ADSS2: variants seen among roughly 807,000 people sequenced by gnomAD.
ADSS2 encodes adenylosuccinate synthase 2.
ADSS2 carries 30 observed loss-of-function variants against 60.0 expected under a neutral mutation model. That is an observed-to-expected ratio of 0.50 (90% CI 0.37 to 0.68). The LOEUF (loss-of-function observed/expected upper bound fraction) is 0.68. ADSS2 is among the 30% of genes least tolerant of loss of function. ADSS2 has a pLI of 0.00. For synonymous variants in ADSS2, 187 were observed against 193.1 expected (o/e 0.97, Z 0.26); for missense variants, 373 against 554.8 (o/e 0.67, Z 3.29).
Position 244,411,341 on chromosome 1 carries a change from G to T in ADSS2, c.1264C>A (p.Pro422Thr). 1.2e-6 allele frequency: 2 copies of T among 1,613,948 alleles called. No individual in the cohort carries two copies. Among genetic ancestry groups the T allele is most frequent in the Non-Finnish European group, 8.5e-7 (1 of 1,179,958 alleles). ...CGAACATAGTTTTGTGCATTAACAG[G>T]TAGTTCTTTAAACGCCCTTGCATTT... Reference protein sequence around the residue: ...ISNARAFKELPVNAQNYVRFI... With the variant: ...ISNARAFKELTVNAQNYVRFI... Residue 422 changes from proline to threonine, a missense_variant, in exon 12 of 13, where the codon CCT (proline) becomes ACT (threonine). Coordinates refer to ENST00000366535, the MANE Select transcript of ADSS2 (RefSeq NM_001126.5).
At chr1:244,432,851 G>A (rs140405409) in intron 3 of ADSS2, among the ~76,000 whole-genome samples, 2,769 of 151,464 alleles carry the variant, frequency 0.018, 36 homozygotes, top group South Asian at 0.041. Flanking sequence ...TGTAATTTTA[G>A]TAGAGACTGG....
At chr1:244,413,174 A>T (rs1372890301) in intron 11 of ADSS2, among the ~76,000 whole-genome samples, 1 of 152,200 alleles carries the variant, frequency 6.6e-6, no homozygotes, top group Non-Finnish European at 1.5e-5. Context: ...GTTGAGTAAG[A>T]CTATATTGGT....
chr1:244,440,113 G>A (rs1279879633), intron 1 of ADSS2, among the ~76,000 whole-genome samples: 1 of 152,194 alleles, frequency 6.6e-6, no homozygotes. Context: ...GCCAGGTACT[G>A]TGATTGCTCA....
intron 4 of ADSS2, among the ~76,000 whole-genome samples, chr1:244,426,211 C>T (rs1016465543): frequency 1.3e-5 from 2 of 152,010 alleles, no homozygotes; most frequent in Non-Finnish European, 2.9e-5. Flanking sequence ...TTAGAGTACG[C>T]CATTCTCATT....
chr1:244,430,276 C>T (rs113323360), intron 4 of ADSS2, among the ~76,000 whole-genome samples: 20 of 152,188 alleles, frequency 1.3e-4, no homozygotes, highest in African/African-American at 4.8e-4. Context: ...CTTGCTTAAC[C>T]TCTATGTTGT....
Position 244,434,145 on chromosome 1 carries a change from C to G in ADSS2, c.356-1550G>C, listed in dbSNP as rs142232379. ...ATTGCTTGAGGCCTGGAGTTTGAGA[C>G]CAGCCTGGGTGACACAGAAAGACCC... On this transcript the variant is annotated intron_variant, in intron 3 of 12. Transcript: ENST00000366535. 4.0e-5 allele frequency among the ~76,000 whole-genome samples: 6 copies of G among 150,202 alleles called. No homozygotes were observed. The East Asian group carries it at 1.2e-3, about 29-fold the overall frequency.
At chr1:244,438,123 A>G (rs903645914) in intron 1 of ADSS2, among the ~76,000 whole-genome samples, 1 of 152,200 alleles carries the variant, frequency 6.6e-6, no homozygotes, top group Non-Finnish European at 1.5e-5. Flanking sequence ...ATGATATTCC[A>G]TCTACACACA....
chr1:244,417,757 A>C lies in ADSS2; in HGVS notation c.946-5T>G. ...TTGTAATAATTCTCCAATTTCCTAC[A>C]GAACAGAAAATTGAACTTTAGGATT... On this transcript the variant is annotated splice_region_variant and splice_polypyrimidine_tract_variant and intron_variant, in intron 9 of 12. Coordinates refer to ENST00000366535, the MANE Select transcript of ADSS2 (RefSeq NM_001126.5). 1 of 1,612,688 alleles carries C rather than the reference A, an allele frequency of 6.2e-7. No homozygotes were observed. The highest frequency in any genetic ancestry group is 8.5e-7 in the Non-Finnish European group (1 of 1,178,892).
At chr1:244,411,698 C>G (rs1177885649) in intron 11 of ADSS2, among the ~76,000 whole-genome samples, 1 of 152,152 alleles carries the variant, frequency 6.6e-6, no homozygotes, top group African/African-American at 2.4e-5. Context: ...AACATTAGTT[C>G]AAGACTGGTT....
intron 3 of ADSS2, among the ~76,000 whole-genome samples, chr1:244,434,442 C>T (rs1245902433): frequency 6.6e-6 from 1 of 151,824 alleles, no homozygotes; most frequent in Non-Finnish European, 1.5e-5. Flanking sequence ...TGCTAAGCTG[C>T]AAACATTTCA....
intron 4 of ADSS2, among the ~76,000 whole-genome samples, chr1:244,429,478 T>C (rs1343447098): frequency 6.6e-6 from 1 of 152,254 alleles, no homozygotes; most frequent in Non-Finnish European, 1.5e-5. Flanking sequence ...CGGGAGTCTC[T>C]AAAGCAAAGA....
intron 11 of ADSS2, among the ~76,000 whole-genome samples, chr1:244,414,276 G>A (rs1183281599): frequency 1.3e-5 from 2 of 152,124 alleles, no homozygotes; most frequent in Non-Finnish European, 2.9e-5. Flanking sequence ...GCTCGAGATG[G>A]TCTAAATGTT....
At chr1:244,447,537 G>A (rs1056087459) in intron 1 of ADSS2, among the ~76,000 whole-genome samples, 2 of 152,104 alleles carry the variant, frequency 1.3e-5, no homozygotes, top group Non-Finnish European at 2.9e-5. Context: ...TGTCCTCAGC[G>A]GGGAATAACT....
chr1:244,444,514 CAAAAAAAAAA>C (rs56001597), intron 1 of ADSS2, among the ~76,000 whole-genome samples: 1 of 42,526 alleles, frequency 2.4e-5, no homozygotes, highest in Non-Finnish European at 4.9e-5. Context: ...GACTCCATCT[CAAAAAAAAAA>C]AAAAAAAAAA....
chr1:244,432,432 C>T, intron 4 of ADSS2, 113 bp downstream of exon 4: 2 of 742,224 alleles, frequency 2.7e-6, no homozygotes, highest in Non-Finnish European at 2.1e-6. Flanking sequence ...TACTACAATC[C>T]ATCCTACTTA....
chr1:244,409,715 C>T lies in ADSS2; in HGVS notation c.1319-77G>A, dbSNP rs151041129. 84 of 1,161,280 alleles carry T rather than the reference C, an allele frequency of 7.2e-5. No individual in the cohort carries two copies. The African/African-American group carries it at 1.1e-3, about 15-fold the overall frequency. The allele number at this position is 1,161,280 out of a possible 1,614,324, so 71.9% of individuals were successfully genotyped here. ...ACTCGTTGGGATTAAAACAGGTAGTCCCCTACTTTTCTCAGTATCACCATA... is the reference window on the plus strand; with the variant it reads ...ACTCGTTGGGATTAAAACAGGTAGTTCCCTACTTTTCTCAGTATCACCATA... On this transcript the variant is annotated intron_variant, in intron 12 of 12. Coordinates refer to ENST00000366535, the MANE Select transcript of ADSS2 (RefSeq NM_001126.5).
rs1665603534 is a variant in ADSS2, at chr1:244,451,550, T to C, written c.183+85A>G. ...CCTCATTTTGGCCAGTGGATCCGGG[T>C]TCTGGGTCCGAGTTCCCGGGCACCA... On this transcript the variant is annotated intron_variant, in intron 1 of 12. Coordinates refer to ENST00000366535, the MANE Select transcript of ADSS2 (RefSeq NM_001126.5). This position sits in a 1 kb window ranked among gnomAD's most constrained non-coding sequence, Gnocchi z 6.6. 2 of 1,429,270 alleles carry C rather than the reference T, an allele frequency of 1.4e-6. No individual in the cohort carries two copies. The highest frequency in any genetic ancestry group is 2.7e-5 in the South Asian group (2 of 74,770). 88.5% of individuals were successfully genotyped at this position (1,429,270 alleles called of 1,614,324 possible). A position where few individuals can be genotyped will look rare whatever the true frequency, so the allele number is the denominator to read the frequency against.
intron 3 of ADSS2, among the ~76,000 whole-genome samples, chr1:244,434,530 A>T (rs1027594268): frequency 2.0e-5 from 3 of 152,234 alleles, no homozygotes; most frequent in African/African-American, 7.2e-5. Flanking sequence ...AGATTAAGGA[A>T]GAGAACCTCC....
At chr1:244,419,660 C>T (rs116141911) in intron 8 of ADSS2, among the ~76,000 whole-genome samples, 171 of 152,150 alleles carry the variant, frequency 1.1e-3, no homozygotes, top group African/African-American at 4.0e-3. Context: ...TTAAATGAAA[C>T]GGTCAACAAA....
Sources: gnomAD v4.1 joint callset for allele counts (sites outside exome capture counted in the v4.1 genomes callset) on GRCh38, gnomAD v4.1.1 for gene constraint, Gnocchi (gnomAD v3.1) non-coding constraint, MANE v1.5 for transcripts, NCBI Gene and HGNC (gene_info 2026-07-23, HGNC 2026-07-21) for gene names.